MPHOSPH6: variants seen among roughly 807,000 people sequenced by gnomAD.
MPHOSPH6 encodes the protein M-phase phosphoprotein 6.
In MPHOSPH6, 25 loss-of-function variants were observed where a neutral mutation model predicts 21.8. The observed-to-expected ratio is 1.15, with a 90% confidence interval of 0.83 to 1.60. MPHOSPH6 has a LOEUF of 1.60. MPHOSPH6 is among the 40% of genes most tolerant of loss of function. The pLI is 0.00. For missense variants in MPHOSPH6, 269 were observed against 181.8 expected (o/e 1.48, Z -2.76); for synonymous variants, 84 against 56.5 (o/e 1.49, Z -2.18).
chr16:82,154,437 C>A (rs1287705700), intron 2 of MPHOSPH6, among the ~76,000 whole-genome samples: 1 of 152,020 alleles, frequency 6.6e-6, no homozygotes, highest in Non-Finnish European at 1.5e-5. Flanking sequence ...TAAAAAATTC[C>A]TAGACATGCA....
At chr16:82,157,099 C>G (rs547038144) in intron 2 of MPHOSPH6, among the ~76,000 whole-genome samples, 23 of 151,850 alleles carry the variant, frequency 1.5e-4, no homozygotes, top group African/African-American at 5.5e-4. Context: ...TGGAAACAAC[C>G]CAATCATGAG....
chr16:82,168,115 G>A (rs1906845567), intron 1 of MPHOSPH6, among the ~76,000 whole-genome samples: 1 of 118,024 alleles, frequency 8.5e-6, no homozygotes, highest in South Asian at 2.9e-4. Flanking sequence ...CTCCCCATTT[G>A]GTGGGGGTGG....
Position 82,164,199 on chromosome 16 carries a change from G to T in MPHOSPH6, c.52-5C>A, listed in dbSNP as rs745628617. 1.3e-6 allele frequency: 2 copies of T among 1,573,424 alleles called. No homozygotes were observed. Among genetic ancestry groups the T allele is most frequent in the Non-Finnish European group, 8.7e-7 (1 of 1,155,812 alleles). The stretch of plus-strand genomic sequence containing the variant: ...GTCCAGTCCCCTTTGCATAAACTGT[G>T]AAAACAAACAAAATCAATGTCAGAA... On this transcript the variant is annotated splice_region_variant and splice_polypyrimidine_tract_variant and intron_variant, in intron 1 of 4. Coordinates refer to ENST00000258169, the MANE Select transcript of MPHOSPH6 (RefSeq NM_005792.2).
chr16:82,170,001 C>G (rs1385838621), intron 1 of MPHOSPH6, 124 bp downstream of exon 1: 40 of 1,094,814 alleles, frequency 3.7e-5, no homozygotes, highest in East Asian at 2.8e-4. Flanking sequence ...TGAATGAGCA[C>G]GAGAGCTGGA....
intron 2 of MPHOSPH6, among the ~76,000 whole-genome samples, chr16:82,154,264 C>G (rs2142407351): frequency 6.6e-6 from 1 of 152,250 alleles, no homozygotes; most frequent in East Asian, 1.9e-4. Context: ...AAGGCCACAC[C>G]TTAGGAGTAG....
At chr16:82,151,624 T>G in intron 2 of MPHOSPH6, 110 bp from the exon 3 acceptor site, 1 of 1,319,364 alleles carries the variant, frequency 7.6e-7, no homozygotes, top group African/African-American at 1.5e-5. Flanking sequence ...TAGAATGAAG[T>G]AAAAATACAG....
chr16:82,164,333 A>G, intron 1 of MPHOSPH6, 139 bp from the exon 2 acceptor site: 2 of 632,230 alleles, frequency 3.2e-6, no homozygotes, highest in Non-Finnish European at 5.5e-6. Flanking sequence ...GGGGCAAGTG[A>G]TCAAACGGTT....
intron 1 of MPHOSPH6, 94 bp from the exon 2 acceptor site, chr16:82,164,288 AT>A (rs1429769761): frequency 9.0e-6 from 7 of 775,482 alleles, no homozygotes; most frequent in Non-Finnish European, 1.5e-5. Context: ...GTTCTCCTTC[AT>A]TTATCTATGG....
intron 3 of MPHOSPH6, among the ~76,000 whole-genome samples, chr16:82,150,562 C>G (rs556999261): frequency 1.3e-5 from 2 of 152,220 alleles, no homozygotes; most frequent in African/African-American, 4.8e-5. Context: ...TGGTTCTTAA[C>G]TGGGGATGAT....
At chr16:82,156,878 C>T (rs954674215) in intron 2 of MPHOSPH6, among the ~76,000 whole-genome samples, 5 of 151,946 alleles carry the variant, frequency 3.3e-5, no homozygotes, top group African/African-American at 1.2e-4. Context: ...CCAGCCTGGC[C>T]AACATGGTCT....
intron 2 of MPHOSPH6, among the ~76,000 whole-genome samples, chr16:82,156,237 C>T (rs558664494): frequency 1.3e-5 from 2 of 152,212 alleles, no homozygotes; most frequent in Middle Eastern, 3.4e-3. Context: ...ATAACTCCTA[C>T]ATGCACAGAT....
At chr16:82,157,444 G>A (rs1046139402) in intron 2 of MPHOSPH6, among the ~76,000 whole-genome samples, 6 of 152,224 alleles carry the variant, frequency 3.9e-5, no homozygotes, top group African/African-American at 1.4e-4. Context: ...ATTAATCTAC[G>A]GTTTAAGAAA....
chr16:82,167,900 C>G (rs1020826696), intron 1 of MPHOSPH6, among the ~76,000 whole-genome samples: 21 of 152,132 alleles, frequency 1.4e-4, no homozygotes, highest in Admixed American at 1.4e-3. Context: ...GGGACCCATG[C>G]TATATAGGAC....
In MPHOSPH6 at chr16:82,169,290, T is replaced by G. The variant is rs564359108; in HGVS notation, c.51+835A>C. Among the ~76,000 whole-genome samples the G allele has an allele frequency of 2.0e-5, 3 of 152,368 alleles. No individual in the cohort carries two copies. In the Middle Eastern group the frequency reaches 0.01, roughly 518 times the overall value. ...CCAGACATACTGAATTGTCTCTAAT[T>G]CTTGGAAATTTCCATGGTTTTCTTT... On this transcript the variant is annotated intron_variant, in intron 1 of 4. Coordinates refer to ENST00000258169, the MANE Select transcript of MPHOSPH6 (RefSeq NM_005792.2).
intron 2 of MPHOSPH6, among the ~76,000 whole-genome samples, chr16:82,161,683 G>C (rs1274639348): frequency 3.3e-5 from 5 of 152,170 alleles, no homozygotes; most frequent in African/African-American, 7.2e-5. Flanking sequence ...AGAAGGATTG[G>C]GCAGAGGGAG....
chr16:82,149,412 T>G lies in MPHOSPH6; in HGVS notation c.256-9A>C, dbSNP rs201307094. ...ATCTGAAGCATCAATTTCTGAAAAATACACCAGTGCTGACCTTCAGGCTAG... is the reference window on the plus strand; with the variant it reads ...ATCTGAAGCATCAATTTCTGAAAAAGACACCAGTGCTGACCTTCAGGCTAG... On this transcript the variant is annotated splice_polypyrimidine_tract_variant and intron_variant, in intron 3 of 4. Transcript: ENST00000258169. The G allele has an allele frequency of 6.2e-7, 1 of 1,609,822 alleles. No homozygotes were observed.
At chr16:82,163,092 C>A (rs142080186) in intron 2 of MPHOSPH6, among the ~76,000 whole-genome samples, 1 of 152,316 alleles carries the variant, frequency 6.6e-6, no homozygotes, top group African/African-American at 2.4e-5. Flanking sequence ...CCTGGTGGGA[C>A]ATACTTTCTA....
At chr16:82,153,177 T>A (rs1478796210) in intron 2 of MPHOSPH6, among the ~76,000 whole-genome samples, 1 of 152,112 alleles carries the variant, frequency 6.6e-6, no homozygotes, top group Non-Finnish European at 1.5e-5. Flanking sequence ...GGTTACAGTC[T>A]ATAGAAAGAG....
intron 2 of MPHOSPH6, among the ~76,000 whole-genome samples, chr16:82,162,573 G>A (rs1006898636): frequency 6.6e-6 from 1 of 152,128 alleles, no homozygotes; most frequent in Non-Finnish European, 1.5e-5. Context: ...CTGCAGATTC[G>A]GTAGCAGCTA....
Sources: allele counts gnomAD v4.1 joint callset (sites outside exome capture counted in the v4.1 genomes callset), GRCh38; gene constraint gnomAD v4.1.1; transcripts MANE v1.5; gene names NCBI Gene and HGNC (gene_info 2026-07-23, HGNC 2026-07-21).